The following FYN variants were observed in gnomAD, a reference collection of about 807,000 sequenced individuals.
FYN encodes FYN proto-oncogene, Src family tyrosine kinase, also known as tyrosine-protein kinase Fyn.
A neutral mutation model predicts 70.2 loss-of-function variants in FYN; 10 were observed. The ratio of observed to expected loss-of-function variants is 0.14; its 90% CI spans 0.09 to 0.24. The LOEUF (loss-of-function observed/expected upper bound fraction) is 0.24. Among genes scored for constraint, FYN ranks in the 10% least tolerant of loss-of-function variants. The pLI, the probability that FYN is intolerant of heterozygous loss-of-function variation, is 1.00. For synonymous variants in FYN, 236 were observed against 248.6 expected (o/e 0.95, Z 0.48); for missense variants, 319 against 673.1 (o/e 0.47, Z 5.82).
intron 2 of FYN, among the ~76,000 whole-genome samples, chr6:111,835,864 A>G (rs1773170308): frequency 6.6e-6 from 1 of 152,178 alleles, no homozygotes. Context: ...AGAACAAAAG[A>G]TTGATCAGAT....
chr6:111,679,115 C>T (rs2128415700), intron 12 of FYN, among the ~76,000 whole-genome samples: 1 of 152,316 alleles, frequency 6.6e-6, no homozygotes, highest in African/African-American at 2.4e-5. Context: ...CTCTCCATTG[C>T]CCTTCTTTGA....
At chr6:111,846,905 T>TAC (rs1049178430) in intron 1 of FYN, among the ~76,000 whole-genome samples, 2 of 152,026 alleles carry the variant, frequency 1.3e-5, no homozygotes, top group Non-Finnish European at 2.9e-5. Context: ...GCCTTGTGTG[T>TAC]ACACACACAC....
chr6:111,735,903 A>G (rs771122936), intron 3 of FYN, among the ~76,000 whole-genome samples: 2 of 152,246 alleles, frequency 1.3e-5, no homozygotes, highest in African/African-American at 4.8e-5. Flanking sequence ...TTGGAACTAT[A>G]TAAGTGACAT....
chr6:111,663,927 C>T (rs1364418582), intron 13 of FYN, among the ~76,000 whole-genome samples: 1 of 152,142 alleles, frequency 6.6e-6, no homozygotes, highest in African/African-American at 2.4e-5. Flanking sequence ...GGACAGAGGC[C>T]AGCATTTCCT....
intron 12 of FYN, among the ~76,000 whole-genome samples, chr6:111,687,114 A>ACT (rs757244609): frequency 2.5e-3 from 374 of 152,376 alleles, no homozygotes; most frequent in African/African-American, 8.2e-3. Flanking sequence ...ACAAAGAGTT[A>ACT]TTAAAGTAAC....
chr6:111,790,746 T>C (rs9487716), intron 2 of FYN, among the ~76,000 whole-genome samples: 11,978 of 152,268 alleles, frequency 0.079, 1,222 homozygotes, highest in African/African-American at 0.24. Context: ...TCCTCAATAA[T>C]GTGAAGTAGT....
At chr6:111,817,331 A>G (rs1772521077) in intron 2 of FYN, among the ~76,000 whole-genome samples, 1 of 152,182 alleles carries the variant, frequency 6.6e-6, no homozygotes, top group South Asian at 2.1e-4. Flanking sequence ...ATTATTAAGT[A>G]ACAGATAACA....
At chr6:111,861,083 T>C (rs1195597713) in intron 1 of FYN, among the ~76,000 whole-genome samples, 2 of 152,208 alleles carry the variant, frequency 1.3e-5, no homozygotes, top group Non-Finnish European at 2.9e-5. Context: ...GGACCCAATG[T>C]ATCACCTGCA....
chr6:111,810,038 G>A (rs1014950396), intron 2 of FYN, among the ~76,000 whole-genome samples: 2 of 152,124 alleles, frequency 1.3e-5, no homozygotes, highest in African/African-American at 4.8e-5. Context: ...TTCAGTGAAG[G>A]TAGTAGCTCT....
chr6:111,690,563 A>G (rs1310875590), intron 12 of FYN, among the ~76,000 whole-genome samples: 3 of 152,140 alleles, frequency 2.0e-5, no homozygotes, highest in African/African-American at 7.2e-5. Flanking sequence ...AGTGTTTGAG[A>G]CTTTCCATGT....
At chr6:111,736,668 C>T (rs1026830699) in intron 3 of FYN, among the ~76,000 whole-genome samples, 1 of 152,170 alleles carries the variant, frequency 6.6e-6, no homozygotes, top group Admixed American at 6.5e-5. Flanking sequence ...AAAGCTGACT[C>T]GACATGCTGA....
intron 2 of FYN, among the ~76,000 whole-genome samples, chr6:111,843,967 T>C (rs145195473): frequency 1.3e-5 from 2 of 151,900 alleles, no homozygotes; most frequent in African/African-American, 4.8e-5. Flanking sequence ...TAAAAAAAAA[T>C]AAGGCACACA....
At chr6:111,745,261 G>A (rs1021916460) in intron 3 of FYN, among the ~76,000 whole-genome samples, 1 of 152,194 alleles carries the variant, frequency 6.6e-6, no homozygotes, top group Non-Finnish European at 1.5e-5. Flanking sequence ...CAGCCCATGG[G>A]AGAAGGCAGA....
chr6:111,793,901 G>C (rs142430292), intron 2 of FYN: 2 of 151,954 alleles, frequency 1.3e-5, no homozygotes, highest in Non-Finnish European at 2.9e-5. Context: ...CCTCTGGGAG[G>C]GGAGGAGATC....
At chr6:111,699,870 A>G in intron 9 of FYN, 1 of 646,508 alleles carries the variant, frequency 1.5e-6, no homozygotes, top group Non-Finnish European at 2.5e-6. Flanking sequence ...GAGTCATGTA[A>G]TAGTACAACT....
chr6:111,719,766 G>C (rs1017435726), intron 4 of FYN, 39 bp downstream of exon 4: 3 of 1,595,066 alleles, frequency 1.9e-6, no homozygotes, highest in Non-Finnish European at 2.6e-6. Flanking sequence ...TTTAAGGGTG[G>C]CTGCCCCCTC....
At chr6:111,754,659 C>T (rs1323802415) in intron 3 of FYN, 1 of 152,186 alleles carries the variant, frequency 6.6e-6, no homozygotes, top group African/African-American at 2.4e-5. Flanking sequence ...GTTACAGTCG[C>T]TCATTCTCAT....
At chr6:111,666,124 C>T (rs1400646465) in intron 13 of FYN, among the ~76,000 whole-genome samples, 2 of 151,452 alleles carry the variant, frequency 1.3e-5, no homozygotes, top group Non-Finnish European at 2.9e-5. Flanking sequence ...GCCTCAGCCT[C>T]CTGAGTAGCT....
intron 2 of FYN, among the ~76,000 whole-genome samples, chr6:111,821,378 T>C (rs1378195597): frequency 6.6e-6 from 1 of 152,188 alleles, no homozygotes; most frequent in East Asian, 1.9e-4. Flanking sequence ...AAACAAGAAA[T>C]TGGGAAAGGA....
Sources: allele counts gnomAD v4.1 joint callset (sites outside exome capture counted in the v4.1 genomes callset), GRCh38; gene constraint gnomAD v4.1.1; transcripts MANE v1.5; gene names NCBI Gene and HGNC (gene_info 2026-07-23, HGNC 2026-07-21).